Variants in NPHP1 observed in about 807,000 individuals in gnomAD.
NPHP1 encodes nephrocystin-1.
NPHP1 carries 70 observed loss-of-function variants against 90.4 expected under a neutral mutation model. That is an observed-to-expected ratio of 0.77 (90% confidence interval 0.64 to 0.95). NPHP1 has a LOEUF of 0.95. Among genes scored for constraint, NPHP1 ranks in the 40% least tolerant of loss-of-function variants. The pLI, the probability that NPHP1 is intolerant of heterozygous loss-of-function variation, is 0.00. For synonymous variants in NPHP1, 256 were observed against 271.7 expected (o/e 0.94, Z 0.57); for missense variants, 764 against 795.9 (o/e 0.96, Z 0.48).
intron 2 of NPHP1, among the ~76,000 whole-genome samples, chr2:110,190,180 C>A (rs1684606361): frequency 6.6e-6 from 1 of 152,220 alleles, no homozygotes; most frequent in Admixed American, 6.5e-5. Context: ...CCCAGCAGAT[C>A]CCGCACCAGG....
At chr2:110,167,496 G>A (rs1682801194) in intron 6 of NPHP1, among the ~76,000 whole-genome samples, 2 of 152,158 alleles carry the variant, frequency 1.3e-5, no homozygotes, top group Admixed American at 6.5e-5. Context: ...TGAACACAGC[G>A]AAGTGCTGGG....
intron 4 of NPHP1, among the ~76,000 whole-genome samples, chr2:110,177,510 A>G (rs1312329722): frequency 6.6e-6 from 1 of 152,152 alleles, no homozygotes; most frequent in Admixed American, 6.5e-5. Flanking sequence ...TAACACTCCA[A>G]GGAAATGCTC....
chr2:110,186,484 C>A (rs2104647374), intron 2 of NPHP1, among the ~76,000 whole-genome samples: 1 of 152,240 alleles, frequency 6.6e-6, no homozygotes. Flanking sequence ...GTGCCAGGAG[C>A]TAATGGAGCC....
chr2:110,191,654 C>T (rs1226126745), intron 2 of NPHP1, among the ~76,000 whole-genome samples: 2 of 152,142 alleles, frequency 1.3e-5, no homozygotes, highest in Non-Finnish European at 2.9e-5. Flanking sequence ...GCTTGGAAGA[C>T]AGTAGTGGTT....
intron 2 of NPHP1, among the ~76,000 whole-genome samples, chr2:110,196,127 T>C (rs1052536995): frequency 6.6e-6 from 1 of 151,860 alleles, no homozygotes; most frequent in Non-Finnish European, 1.5e-5. Flanking sequence ...CCAAAAGCAA[T>C]GGCAACAAAA....
chr2:110,125,259 T>C, intron 19 of NPHP1: 1 of 1,536,348 alleles, frequency 6.5e-7, no homozygotes, highest in Non-Finnish European at 8.7e-7. Flanking sequence ...ATGCATTGTT[T>C]TCAATATATG....
chr2:110,135,401 C>T (rs967442755), intron 16 of NPHP1, among the ~76,000 whole-genome samples: 19 of 141,220 alleles, frequency 1.3e-4, no homozygotes, highest in Admixed American at 6.0e-4. Context: ...GGCGTGAACC[C>T]GGGAGGCGGA....
At chr2:110,202,966 G>A (rs1257465063) in intron 1 of NPHP1, among the ~76,000 whole-genome samples, 1 of 152,126 alleles carries the variant, frequency 6.6e-6, no homozygotes, top group Non-Finnish European at 1.5e-5. Flanking sequence ...AATGTCACAT[G>A]CATGTGTATG....
chr2:110,178,343 A>AT (rs1559088793), intron 4 of NPHP1, 80 bp downstream of exon 4: 2 of 1,331,778 alleles, frequency 1.5e-6, no homozygotes, highest in Admixed American at 3.4e-5. Flanking sequence ...CTATACTGCT[A>AT]TATGTCTTTG....
chr2:110,128,882 G>A, intron 18 of NPHP1: 1 of 405,188 alleles, frequency 2.5e-6, no homozygotes, highest in Non-Finnish European at 4.5e-6. Flanking sequence ...TTATCTTACA[G>A]ACCATTTTGG....
At chr2:110,131,210 T>A (rs1679751571) in intron 17 of NPHP1, among the ~76,000 whole-genome samples, 6 of 152,190 alleles carry the variant, frequency 3.9e-5, no homozygotes, top group Admixed American at 3.9e-4. Flanking sequence ...ACAAAAAAGT[T>A]GCAAGAATAA....
intron 2 of NPHP1, among the ~76,000 whole-genome samples, chr2:110,197,518 C>A (rs1247869969): frequency 1.3e-5 from 2 of 152,034 alleles, no homozygotes; most frequent in Non-Finnish European, 2.9e-5. Context: ...CCCACGGCTG[C>A]CAGTGTAACA....
chr2:110,158,992 G>A (rs1211919817), intron 11 of NPHP1, among the ~76,000 whole-genome samples: 1 of 151,856 alleles, frequency 6.6e-6, no homozygotes, highest in Non-Finnish European at 1.5e-5. Context: ...ATAAATGGGT[G>A]TTGAAATTTG....
At chr2:110,168,127 T>C (rs893276514) in intron 6 of NPHP1, among the ~76,000 whole-genome samples, 9 of 152,184 alleles carry the variant, frequency 5.9e-5, no homozygotes, top group Non-Finnish European at 1.3e-4. Flanking sequence ...GATCACATAT[T>C]TGTGGAAGTT....
At chr2:110,184,434 G>A (rs755385964) in intron 2 of NPHP1, 63 of 668,288 alleles carry the variant, frequency 9.4e-5, no homozygotes, top group Non-Finnish European at 1.5e-4. Context: ...AGCTGCCAAC[G>A]TTTTCTTCAA....
At chr2:110,164,997 TAAAC>T (rs1373878699) in intron 7 of NPHP1, 51 bp downstream of exon 7, 5 of 1,358,448 alleles carry the variant, frequency 3.7e-6, no homozygotes, top group Non-Finnish European at 5.3e-6. Context: ...ATAATAAAAA[TAAAC>T]AAATAAAATG....
intron 1 of NPHP1, 105 bp from the exon 2 acceptor site, chr2:110,201,599 C>T (rs1489431467): frequency 1.2e-6 from 1 of 819,900 alleles, no homozygotes; most frequent in Non-Finnish European, 1.9e-6. Context: ...TTTAAACATA[C>T]AACAAAGTTT....
intron 11 of NPHP1, among the ~76,000 whole-genome samples, chr2:110,158,274 A>T (rs1682055219): frequency 1.3e-5 from 2 of 152,026 alleles, no homozygotes; most frequent in African/African-American, 4.8e-5. Flanking sequence ...GTATTTTACT[A>T]TTTTGAGGTG....
At position 110,149,468 on chromosome 2, in the gene NPHP1, C is replaced by T. The variant is rs115359423; in HGVS notation, c.1158+714G>A. Among the ~76,000 whole-genome samples the T allele has an allele frequency of 2.9e-3, 434 of 152,214 alleles. 2 individuals carry two copies. The highest frequency in any genetic ancestry group is 9.8e-3 in the African/African-American group (409 of 41,534). On this transcript the variant is annotated intron_variant, in intron 12 of 19. Coordinates refer to ENST00000445609, the MANE Select transcript of NPHP1 (RefSeq NM_001128178.3). ...GATGGACTTTTAGGAGGTGTGCTCT[C>T]GACAAGTCTGGACAGGCACAGCACA...
Sources: allele counts gnomAD v4.1 joint callset (sites outside exome capture counted in the v4.1 genomes callset), GRCh38; gene constraint gnomAD v4.1.1; transcripts MANE v1.5; gene names NCBI Gene and HGNC (gene_info 2026-07-23, HGNC 2026-07-21).